SPAG16: variants seen among roughly 807,000 people sequenced by gnomAD.
The protein encoded by SPAG16 is sperm-associated antigen 16 protein.
Under a neutral mutation model 80.4 loss-of-function variants are expected in SPAG16, and 86 were observed. That is an observed-to-expected ratio of 1.07 (90% confidence interval 0.90 to 1.28). SPAG16 has a LOEUF of 1.28. SPAG16 is among the 50% of genes most tolerant of loss of function. The pLI is 0.00. For missense variants in SPAG16, 870 were observed against 765.3 expected (o/e 1.14, Z -1.61); for synonymous variants, 294 against 265.9 (o/e 1.11, Z -1.03).
At chr2:214,289,331 T>C (rs1246705150) in intron 15 of SPAG16, among the ~76,000 whole-genome samples, 2 of 152,212 alleles carry the variant, frequency 1.3e-5, no homozygotes. Flanking sequence ...TCTTGAAGTG[T>C]ATTTTCTGTG....
chr2:213,960,893 C>T (rs1383629255), intron 12 of SPAG16, among the ~76,000 whole-genome samples: 4 of 152,162 alleles, frequency 2.6e-5, no homozygotes, highest in Admixed American at 1.3e-4. Flanking sequence ...TTTCTCTGCA[C>T]TTCTGTGATT....
At chr2:214,164,981 G>A (rs1488211954) in intron 15 of SPAG16, among the ~76,000 whole-genome samples, 1 of 152,062 alleles carries the variant, frequency 6.6e-6, no homozygotes, top group Non-Finnish European at 1.5e-5. Flanking sequence ...CTGCTGAGGA[G>A]GAGATAGTTC....
At chr2:213,653,060 A>C (rs6755172) in intron 10 of SPAG16, among the ~76,000 whole-genome samples, 3 of 152,074 alleles carry the variant, frequency 2.0e-5, no homozygotes, top group Non-Finnish European at 4.4e-5. Flanking sequence ...CTAGTTGTTC[A>C]TAGTCTCCTA....
At chr2:213,508,446 C>T (rs1477260789) in intron 10 of SPAG16, among the ~76,000 whole-genome samples, 2 of 152,180 alleles carry the variant, frequency 1.3e-5, no homozygotes, top group Admixed American at 1.3e-4. Flanking sequence ...GTGGCGGGCG[C>T]CTGTAGTCCC....
At chr2:213,868,190 T>A (rs1425996441) in intron 11 of SPAG16, among the ~76,000 whole-genome samples, 1 of 152,114 alleles carries the variant, frequency 6.6e-6, no homozygotes, top group Non-Finnish European at 1.5e-5. Flanking sequence ...GCTCATAAAA[T>A]GTAAATGTTA....
chr2:213,901,523 C>T (rs1425034568), intron 11 of SPAG16, among the ~76,000 whole-genome samples: 1 of 151,980 alleles, frequency 6.6e-6, no homozygotes, highest in Non-Finnish European at 1.5e-5. Flanking sequence ...ACTGGTAATT[C>T]AGTAAAAGTA....
chr2:213,468,559 A>G (rs2072875910), intron 9 of SPAG16, among the ~76,000 whole-genome samples: 1 of 130,896 alleles, frequency 7.6e-6, no homozygotes, highest in South Asian at 2.1e-4. Context: ...ATTTATATAT[A>G]GAGATATATA....
chr2:214,109,963 C>A lies in SPAG16; in HGVS notation c.1593+1702C>A, dbSNP rs144231276. Among the ~76,000 whole-genome samples the A allele has an allele frequency of 2.3e-4, 35 of 151,996 alleles. No homozygotes were observed. In the East Asian group the frequency reaches 5.4e-3, roughly 24 times the overall value. ...AAATCAGGCATTTTATTTTGGCAAG[C>A]AATATAATAACTGCAAAAGACAGCA... On this transcript the variant is annotated intron_variant, in intron 14 of 15. Coordinates refer to ENST00000331683, the MANE Select transcript of SPAG16 (RefSeq NM_024532.5).
At chr2:213,957,601 A>G (rs2044216095) in intron 12 of SPAG16, among the ~76,000 whole-genome samples, 1 of 152,168 alleles carries the variant, frequency 6.6e-6, no homozygotes, top group East Asian at 1.9e-4. Flanking sequence ...TAAATTAATT[A>G]CTGATGAAGA....
intron 9 of SPAG16, among the ~76,000 whole-genome samples, chr2:213,375,374 T>C (rs2066836320): frequency 1.3e-5 from 2 of 152,050 alleles, no homozygotes; most frequent in African/African-American, 4.8e-5. Flanking sequence ...ATCATGATCA[T>C]GTCTGCTCAC....
chr2:214,113,481 T>C (rs1001377041), intron 14 of SPAG16, among the ~76,000 whole-genome samples: 1 of 152,246 alleles, frequency 6.6e-6, no homozygotes, highest in African/African-American at 2.4e-5. Context: ...TTTGGTCTTT[T>C]CACATAGTCC....
chr2:213,887,651 T>G (rs1271954870), intron 11 of SPAG16, among the ~76,000 whole-genome samples: 2 of 151,612 alleles, frequency 1.3e-5, no homozygotes, highest in South Asian at 2.1e-4. Context: ...ATAGTAATTT[T>G]TAGCAAAATA....
rs541227538 is a variant in SPAG16, at chr2:213,985,374, A to T, written c.1401-28577A>T. 3.3e-5 allele frequency among the ~76,000 whole-genome samples: 5 copies of T among 152,230 alleles called. No individual in the cohort carries two copies. The South Asian group carries it at 1.0e-3, about 32-fold the overall frequency. On this transcript the variant is annotated intron_variant, in intron 12 of 15. Coordinates refer to ENST00000331683, the MANE Select transcript of SPAG16 (RefSeq NM_024532.5). Reference sequence around the variant, plus strand: ...GCACAAATTCTATGTATTTTTGATGATACTGAGGATAATTCTATATTAAAT... The same window carrying T: ...GCACAAATTCTATGTATTTTTGATGTTACTGAGGATAATTCTATATTAAAT...
chr2:214,316,399 G>A (rs1221216286), intron 15 of SPAG16, among the ~76,000 whole-genome samples: 1 of 152,140 alleles, frequency 6.6e-6, no homozygotes, highest in Non-Finnish European at 1.5e-5. Context: ...TCATCAGCAG[G>A]TTAGCTGCAT....
chr2:213,627,946 C>T (rs1326915653), intron 10 of SPAG16, among the ~76,000 whole-genome samples: 1 of 152,202 alleles, frequency 6.6e-6, no homozygotes, highest in Non-Finnish European at 1.5e-5. Flanking sequence ...AGTAGTATTT[C>T]TCTTTCTTTC....
intron 11 of SPAG16, among the ~76,000 whole-genome samples, chr2:213,923,696 C>T (rs1294412817): frequency 1.3e-5 from 2 of 152,278 alleles, no homozygotes; most frequent in African/African-American, 4.8e-5. Flanking sequence ...AGTAGGACTG[C>T]TGGGCGGGAA....
intron 12 of SPAG16, among the ~76,000 whole-genome samples, chr2:213,976,454 T>G (rs2045412944): frequency 6.6e-6 from 1 of 151,956 alleles, no homozygotes; most frequent in African/African-American, 2.4e-5. Flanking sequence ...CTATTGGACC[T>G]TTCAAGTATA....
chr2:213,989,497 T>C (rs1295594295), intron 12 of SPAG16, among the ~76,000 whole-genome samples: 1 of 152,174 alleles, frequency 6.6e-6, no homozygotes, highest in Non-Finnish European at 1.5e-5. Flanking sequence ...AGCTCTAATT[T>C]GATCAATCCA....
At chr2:213,303,420 C>T (rs2126093215) in intron 3 of SPAG16, among the ~76,000 whole-genome samples, 1 of 151,966 alleles carries the variant, frequency 6.6e-6, no homozygotes, top group South Asian at 2.1e-4. Context: ...CAATTATACT[C>T]ATTAATTTAA....
Sources: gnomAD v4.1 joint callset for allele counts (sites outside exome capture counted in the v4.1 genomes callset) on GRCh38, gnomAD v4.1.1 for gene constraint, MANE v1.5 for transcripts, NCBI Gene and HGNC (gene_info 2026-07-23, HGNC 2026-07-21) for gene names.